Variants in IGSF11 observed in about 807,000 individuals in gnomAD.
The protein encoded by IGSF11 is CXADR like 1.
A neutral mutation model predicts 41.0 loss-of-function variants in IGSF11; 22 were observed. The ratio of observed to expected loss-of-function variants is 0.54; its 90% CI spans 0.38 to 0.77. IGSF11 has a LOEUF of 0.77. IGSF11 is among the 30% of genes least tolerant of loss of function. The probability of loss-of-function intolerance (pLI) is 0.00; values close to 1 mark genes in which losing one functional copy is unlikely to be tolerated. For missense variants in IGSF11, 444 were observed against 530.8 expected (o/e 0.84, Z 1.61); for synonymous variants, 219 against 201.3 (o/e 1.09, Z -0.74).
intron 1 of IGSF11, among the ~76,000 whole-genome samples, chr3:119,091,806 T>A (rs2076764792): frequency 6.6e-6 from 1 of 151,794 alleles, no homozygotes; most frequent in Non-Finnish European, 1.5e-5. Flanking sequence ...CACACACCAT[T>A]CCCATGTAAC....
At chr3:119,129,935 T>C (rs1178836568) in intron 1 of IGSF11, among the ~76,000 whole-genome samples, 1 of 152,042 alleles carries the variant, frequency 6.6e-6, no homozygotes, top group Non-Finnish European at 1.5e-5. Context: ...CAGTAAGCCA[T>C]GATCACACCA....
rs35532396 is a variant in IGSF11, at chr3:118,931,737, A to ATTTT, written c.53-1466_53-1463dup. Reference sequence around the variant, plus strand: ...AACTCTGCAAGCTTAAAAGTCACTGATTTTTTTTTTTTTTTTGAGACAGTC... The same window carrying ATTTT: ...AACTCTGCAAGCTTAAAAGTCACTGATTTTTTTTTTTTTTTTTTTTGAGACAGTC... On this transcript the variant is annotated intron_variant, in intron 1 of 6. Transcript: ENST00000393775. Among the ~76,000 whole-genome samples the ATTTT allele has an allele frequency of 1.6e-3, 222 of 142,910 alleles. 5 individuals are homozygous for ATTTT. Among genetic ancestry groups the ATTTT allele is most frequent in the African/African-American group, 3.4e-3 (131 of 38,612 alleles). The allele number at this position is 142,910 out of a possible 152,430, so 93.8% of individuals were successfully genotyped here.
chr3:119,102,230 T>A (rs992742020), intron 1 of IGSF11, among the ~76,000 whole-genome samples: 2 of 152,268 alleles, frequency 1.3e-5, no homozygotes, highest in African/African-American at 4.8e-5. Context: ...TAAAAATTCA[T>A]GGAATTATAT....
chr3:119,026,905 C>A (rs1372181544), intron 1 of IGSF11, among the ~76,000 whole-genome samples: 1 of 152,110 alleles, frequency 6.6e-6, no homozygotes. Flanking sequence ...AAAATGAGAT[C>A]ATCACTTCAA....
At chr3:118,925,296 A>C (rs1942191340) in intron 4 of IGSF11, among the ~76,000 whole-genome samples, 1 of 152,172 alleles carries the variant, frequency 6.6e-6, no homozygotes, top group Admixed American at 6.6e-5. Flanking sequence ...TCAGACTTAC[A>C]AGGCATAATT....
intron 1 of IGSF11, among the ~76,000 whole-genome samples, chr3:118,964,703 A>C (rs984019400): frequency 1.3e-5 from 2 of 152,166 alleles, no homozygotes; most frequent in Non-Finnish European, 2.9e-5. Context: ...AATCTTACCC[A>C]ATTTATGAGG....
intron 5 of IGSF11, among the ~76,000 whole-genome samples, chr3:118,905,061 C>T (rs909798087): frequency 6.6e-6 from 1 of 152,094 alleles, no homozygotes; most frequent in African/African-American, 2.4e-5. Context: ...GAACAATACC[C>T]ACATTAGGTA....
chr3:118,907,992 T>C (rs989655649), intron 4 of IGSF11, among the ~76,000 whole-genome samples: 1 of 152,190 alleles, frequency 6.6e-6, no homozygotes, highest in Non-Finnish European at 1.5e-5. Flanking sequence ...AAGAAAACCA[T>C]AATCTCTGGG....
chr3:119,132,963 G>C (rs1159376147), intron 1 of IGSF11, among the ~76,000 whole-genome samples: 1 of 152,004 alleles, frequency 6.6e-6, no homozygotes, highest in East Asian at 1.9e-4. Flanking sequence ...CTCCTGAATG[G>C]CTACTGGGTA....
At chr3:118,973,298 T>C (rs1435364905) in intron 1 of IGSF11, among the ~76,000 whole-genome samples, 3 of 152,210 alleles carry the variant, frequency 2.0e-5, no homozygotes, top group African/African-American at 4.8e-5. Context: ...AACTGTTCTA[T>C]GTATAAGGCA....
In IGSF11 at chr3:118,906,009, G is replaced by GAA. The variant is rs1939545948; in HGVS notation, c.581-292_581-291insTT. Among the ~76,000 whole-genome samples, 15 of 152,230 alleles carry GAA rather than the reference G, an allele frequency of 9.9e-5. No individual in the cohort carries two copies. The South Asian group carries it at 2.9e-3, about 30-fold the overall frequency. On this transcript the variant is annotated intron_variant, in intron 4 of 6. Coordinates refer to ENST00000393775, the MANE Select transcript of IGSF11 (RefSeq NM_001015887.3). The stretch of plus-strand genomic sequence containing the variant: ...TGTTAGTAGACTTCCCTGAGGAAAT[G>GAA]GTAGCTAATACTTATCCTAGGGAAT...
At chr3:119,134,756 C>G (rs2077535452) in intron 1 of IGSF11, among the ~76,000 whole-genome samples, 1 of 152,142 alleles carries the variant, frequency 6.6e-6, no homozygotes, top group Non-Finnish European at 1.5e-5. Context: ...CCAAGACAAT[C>G]CAAAGCAAAA....
chr3:118,967,443 T>C (rs977675161), intron 1 of IGSF11, among the ~76,000 whole-genome samples: 7 of 152,148 alleles, frequency 4.6e-5, no homozygotes, highest in Non-Finnish European at 7.4e-5. Flanking sequence ...TCCACAGCTA[T>C]TTGCCAATTG....
At chr3:119,112,568 C>T (rs1452246986) in intron 1 of IGSF11, 1 of 152,654 alleles carries the variant, frequency 6.6e-6, no homozygotes, top group Non-Finnish European at 1.5e-5. Flanking sequence ...ATGCCTTGCC[C>T]TGCTTTGGCT....
chr3:119,009,935 C>T (rs564077947), intron 1 of IGSF11, among the ~76,000 whole-genome samples: 46 of 152,096 alleles, frequency 3.0e-4, no homozygotes, highest in African/African-American at 9.2e-4. Flanking sequence ...CAATTTAAAA[C>T]ATAAAATCAT....
intron 1 of IGSF11, among the ~76,000 whole-genome samples, chr3:119,142,948 A>G (rs1003609480): frequency 2.6e-5 from 4 of 152,146 alleles, no homozygotes; most frequent in Admixed American, 6.5e-5. Context: ...AAGACAACAT[A>G]TTTACAGTTG....
chr3:119,005,470 G>A (rs1333822245), intron 1 of IGSF11, among the ~76,000 whole-genome samples: 1 of 150,126 alleles, frequency 6.7e-6, no homozygotes, highest in Non-Finnish European at 1.5e-5. Context: ...TACATTTAAA[G>A]TTAATAGTGT....
At chr3:119,017,776 C>CTTTTTTTTTTTTTTT (rs567222914) in intron 1 of IGSF11, among the ~76,000 whole-genome samples, 1 of 100,258 alleles carries the variant, frequency 1.0e-5, no homozygotes, top group Non-Finnish European at 2.0e-5. Context: ...GTTTGTTTTA[C>CTTTTTTTTTTTTTTT]TTTTTTTTTT....
Position 118,902,208 on chromosome 3 carries a change from C to T in IGSF11, c.*312G>A. 1 of 244,680 alleles carries T rather than the reference C, an allele frequency of 4.1e-6. No individual in the cohort carries two copies. Among genetic ancestry groups the T allele is most frequent in the Non-Finnish European group, 7.9e-6 (1 of 126,698 alleles). The allele number at this position is 244,680 out of a possible 1,614,324, so 15.2% of individuals were successfully genotyped here. On this transcript the variant is annotated 3_prime_UTR_variant, in exon 7 of 7. Coordinates refer to ENST00000393775, the MANE Select transcript of IGSF11 (RefSeq NM_001015887.3). Reference sequence around the variant, plus strand: ...AAATTATTAAGTTAGGCATGAAGAACAAGCCCATCTGGGCGGCAGTTTGGA... The same window carrying T: ...AAATTATTAAGTTAGGCATGAAGAATAAGCCCATCTGGGCGGCAGTTTGGA...
Sources: gnomAD v4.1 joint callset for allele counts (sites outside exome capture counted in the v4.1 genomes callset) on GRCh38, gnomAD v4.1.1 for gene constraint, MANE v1.5 for transcripts, NCBI Gene and HGNC (gene_info 2026-07-23, HGNC 2026-07-21) for gene names.